G6PD: variants seen among roughly 807,000 people sequenced by gnomAD.
The protein encoded by G6PD is glucose-6-phosphate 1-dehydrogenase.
In G6PD, 2 loss-of-function variants were observed where a neutral mutation model predicts 38.2. The ratio of observed to expected loss-of-function variants is 0.05; its 90% CI spans 0.02 to 0.16. The LOEUF (loss-of-function observed/expected upper bound fraction) is 0.16, where lower values mean the gene tolerates loss of function less well. Ranked by LOEUF, G6PD falls within the 10% of genes least tolerant of loss-of-function variation. The pLI, the probability that G6PD is intolerant of heterozygous loss-of-function variation, is 1.00. For missense variants in G6PD, 310 were observed against 471.6 expected (o/e 0.66, Z 3.17); for synonymous variants, 188 against 196.0 (o/e 0.96, Z 0.34).
Position 154,534,112 on chromosome X carries a change from G to A in G6PD, c.693C>T (p.Ala231=). 1 of 1,212,131 alleles carries A rather than the reference G, an allele frequency of 8.2e-7. No individual in the cohort carries two copies. Among genetic ancestry groups the A allele is most frequent in the Non-Finnish European group, 1.1e-6 (1 of 895,553 alleles). The part of the protein sequence containing the change: ...FGPIWNRDNI[A]CVILTFKEPF... The stretch of plus-strand genomic sequence containing the variant: ...GCTCCTTGAAGGTGAGGATAACGCA[G>A]GCGATGTTGTCCCGGTTCCAGATGG... The change falls in exon 7 of 13, where the codon GCC becomes GCT. Residue 231 remains alanine (A), a synonymous_variant. Transcript: ENST00000393562.
At chrX:154,542,330 C>T (rs782518380) in intron 2 of G6PD, 1 of 1,193,703 alleles carries the variant, frequency 8.4e-7, no homozygotes, top group South Asian at 1.8e-5. Context: ...GACTATCAAT[C>T]CCAGTCTCTT....
rs781860662 is a variant in G6PD at position 154,533,600 on chromosome X, G to A, written c.840C>T (p.Asn280=). 1 of 1,212,246 alleles carries A rather than the reference G, an allele frequency of 8.2e-7. No individual in the cohort carries two copies. Among genetic ancestry groups the A allele is most frequent in the East Asian group, 3.0e-5 (1 of 33,862 alleles). ...LVAMEKPAST[N]SDDVRDEKVK... is the part of the protein sequence containing the mutation. Reference sequence around the variant, plus strand: ...CCTTCTCATCACGGACGTCATCTGAGTTGGTGGAGGCGGGCTTCTCCATGG... The same window carrying A: ...CCTTCTCATCACGGACGTCATCTGAATTGGTGGAGGCGGGCTTCTCCATGG... The change falls in exon 8 of 13, where the codon AAC becomes AAT. Residue 280 remains asparagine, a synonymous_variant. Transcript: ENST00000393562.
At chrX:154,534,699 G>A (rs73638302) in intron 5 of G6PD, among the ~76,000 whole-genome samples, 1,456 of 111,080 alleles carry the variant, frequency 0.013, 24 homozygotes, top group African/African-American at 0.046. Context: ...GTGCCAGGGT[G>A]GCATTGCTGG....
chrX:154,533,379 T>C, intron 8 of G6PD, 197 bp downstream of exon 8: 1 of 514,787 alleles, frequency 1.9e-6, no homozygotes, highest in Non-Finnish European at 3.2e-6. Flanking sequence ...ACATAGTGAC[T>C]GTCAGGCCTG....
At chrX:154,534,271 C>T in intron 6 of G6PD, 67 bp downstream of exon 6, 1 of 1,202,288 alleles carries the variant, frequency 8.3e-7, no homozygotes, top group Non-Finnish European at 1.1e-6. Flanking sequence ...CTCGGGGAGG[C>T]AGTGGGCCAG....
At chrX:154,546,910 G>T, upstream of G6PD, 7 of 797,258 alleles carry the variant, frequency 8.8e-6, no homozygotes, top group Non-Finnish European at 9.8e-6. Flanking sequence ...GGGCTGAGCG[G>T]ACCCGCCTCA....
Position 154,535,943 on chromosome X carries a change from G to A in G6PD, c.261C>T (p.Phe87=), listed in dbSNP as rs1557230750. ...AGGCCCTGACACCACCCACCTTGAA[G>A]AAGGGCTCACTCTGTTTGCGGATGT... The part of the protein sequence containing the change: ...VADIRKQSEP[F]FKATPEEKLK... The change falls in exon 4 of 13, where the codon TTC becomes TTT. Residue 87 remains phenylalanine, a synonymous_variant. Coordinates refer to ENST00000393562, the MANE Select transcript of G6PD (RefSeq NM_001360016.2). The A allele has an allele frequency of 3.3e-6, 4 of 1,206,753 alleles. No homozygotes were observed. Among genetic ancestry groups the A allele is most frequent in the Non-Finnish European group, 4.5e-6 (4 of 892,093 alleles).
chrX:154,538,344 T>C (rs2070434695), intron 2 of G6PD, among the ~76,000 whole-genome samples: 1 of 111,779 alleles, frequency 8.9e-6, no homozygotes, highest in Admixed American at 9.5e-5. Flanking sequence ...AACCAAATCC[T>C]GCAATGTTAA....
chrX:154,543,113 G>C lies in G6PD; in HGVS notation c.120+2923C>G, dbSNP rs782564442. 2.7e-5 allele frequency among the ~76,000 whole-genome samples: 3 copies of C among 111,960 alleles called. No homozygotes were observed. The Admixed American group carries it at 2.8e-4, about 11-fold the overall frequency. On this transcript the variant is annotated intron_variant, in intron 2 of 12. Coordinates refer to ENST00000393562, the MANE Select transcript of G6PD (RefSeq NM_001360016.2). ...CGGAGCTGTTCCAGGTGCTGCCTGA[G>C]CACGCCACCTCCCATCTCCCCCACA...
At chrX:154,546,543 G>A (rs2070722557) in intron 1 of G6PD, among the ~76,000 whole-genome samples, 1 of 111,346 alleles carries the variant, frequency 9.0e-6, no homozygotes, top group Non-Finnish European at 1.9e-5. Flanking sequence ...GGGAGATGGT[G>A]CAGATGCTGG....
chrX:154,546,503 T>C (rs2070720485), intron 1 of G6PD, among the ~76,000 whole-genome samples: 2 of 111,747 alleles, frequency 1.8e-5, no homozygotes, highest in African/African-American at 3.3e-5. Context: ...TTCCCGACTG[T>C]AGCGGGAACT....
intron 8 of G6PD, 122 bp from the exon 9 acceptor site, chrX:154,533,250 C>A (rs1210859837): frequency 3.6e-6 from 3 of 822,901 alleles, no homozygotes; most frequent in Non-Finnish European, 5.3e-6. Flanking sequence ...CTCTGCTCAC[C>A]CTGCCAGAGG....
chrX:154,535,270 A>C lies in G6PD; in HGVS notation c.383T>G (p.Leu128Arg), dbSNP rs78365220. The C allele has an allele frequency of 1.2e-5, 15 of 1,211,799 alleles. No homozygotes were observed. Among genetic ancestry groups the C allele is most frequent in the Middle Eastern group, 4.6e-4 (2 of 4,332 alleles). ...YQRLNSHMNA[L>R]HLGSQANRLF... is the part of the protein sequence containing the mutation. ...GCGGTTGGCCTGTGACCCCAGGTGG[A>C]GGGCATTCATGTGGCTGTTGAGGCG... The change falls in exon 5 of 13, where the codon CTC (leucine) becomes CGC (arginine). Residue 128 changes from leucine (L) to arginine (R), a missense_variant. Physicochemically the swap from Leu to Arg is moderately radical, Grantham distance 102. This residue lies in a region of G6PD where 96 missense variants were observed against 93.3 expected (regional missense o/e 1.03). Transcript: ENST00000393562.
chrX:154,546,081 G>A lies in G6PD; in HGVS notation c.75C>T (p.Ala25=). ...ILREELFQGD[A]FHQSDTHIFI... Reference sequence around the variant, plus strand: ...ATATGTGTGTATCCGACTGATGGAAGGCATCGCCCTGGAAAAGCTCTTCCC... The same window carrying A: ...ATATGTGTGTATCCGACTGATGGAAAGCATCGCCCTGGAAAAGCTCTTCCC... Residue 25 remains alanine (A), a synonymous_variant, in exon 2 of 13, where the codon GCC becomes GCT. Coordinates refer to ENST00000393562, the MANE Select transcript of G6PD (RefSeq NM_001360016.2). The A allele has an allele frequency of 8.3e-7, 1 of 1,211,730 alleles. No individual in the cohort carries two copies.
intron 2 of G6PD, among the ~76,000 whole-genome samples, chrX:154,538,456 T>TA (rs1296761526): frequency 3.6e-5 from 4 of 111,926 alleles, no homozygotes; most frequent in African/African-American, 9.7e-5. Context: ...ATTAAGAGAT[T>TA]AAAAAAAACC....
At chrX:154,542,425 C>T (rs1557232194) in intron 2 of G6PD, 3 of 1,195,145 alleles carry the variant, frequency 2.5e-6, no homozygotes, top group African/African-American at 3.5e-5. Context: ...CACTAGTCTA[C>T]AAGGCCAGAG....
rs75675507 is a variant in G6PD, at chrX:154,533,042, C to T, written c.951G>A (p.Glu317=). Residue 317 remains glutamate, a synonymous_variant, in exon 9 of 13, where the codon GAG becomes GAA. Transcript: ENST00000393562. ...GGTCGTCCAGGTACCCTTTGGTGGC[C>T]TCGCCCTCTCCATCGGGGTTCCCCA... ...QYVGNPDGEG[E]ATKGYLDDPT... 1 of 1,212,357 alleles carries T rather than the reference C, an allele frequency of 8.2e-7. No individual in the cohort carries two copies. Among genetic ancestry groups the T allele is most frequent in the Non-Finnish European group, 1.1e-6 (1 of 895,582 alleles).
chrX:154,539,270 G>C (rs914759236), intron 2 of G6PD, among the ~76,000 whole-genome samples: 1 of 111,902 alleles, frequency 8.9e-6, no homozygotes, highest in South Asian at 3.7e-4. Flanking sequence ...TCAAACACTT[G>C]AATTAACATG....
At position 154,539,216 on chromosome X, in the gene G6PD, G is replaced by A. The variant is rs146051477; in HGVS notation, c.121-3038C>T. Among the ~76,000 whole-genome samples the A allele has an allele frequency of 4.1e-3, 461 of 111,858 alleles. 2 individuals carry two copies. The highest frequency in any genetic ancestry group is 9.2e-3 in the Middle Eastern group (2 of 218). ...CCACACAAAGACCTGCACACGAATG[G>A]TCACAGCAGCCTTGGTTCATAGCGG... On this transcript the variant is annotated intron_variant, in intron 2 of 12. Transcript: ENST00000393562.
Sources: gnomAD v4.1 joint callset for allele counts (sites outside exome capture counted in the v4.1 genomes callset) on GRCh38, gnomAD v4.1.1 for gene constraint, gnomAD v4.1.1 regional missense constraint, MANE v1.5 for transcripts, NCBI Gene and HGNC (gene_info 2026-07-23, HGNC 2026-07-21) for gene names.